Variants in PTPRT observed in about 807,000 individuals in gnomAD.
PTPRT encodes the protein protein tyrosine phosphatase receptor type T, also known as receptor-type tyrosine-protein phosphatase T.
In PTPRT, 56 loss-of-function variants were observed where a neutral mutation model predicts 176.8. That is an observed-to-expected ratio of 0.32 (90% CI 0.26 to 0.40). PTPRT has a LOEUF of 0.40. Among genes scored for constraint, PTPRT ranks in the 10% least tolerant of loss-of-function variants. The probability of loss-of-function intolerance (pLI) is 1.00; values close to 1 mark genes in which losing one functional copy is unlikely to be tolerated. For missense variants in PTPRT, 1,540 were observed against 1,908.2 expected (o/e 0.81, Z 3.60); for synonymous variants, 783 against 739.0 (o/e 1.06, Z -0.96).
intron 7 of PTPRT, among the ~76,000 whole-genome samples, chr20:42,565,705 C>A (rs1277883931): frequency 6.6e-6 from 1 of 152,144 alleles, no homozygotes; most frequent in African/African-American, 2.4e-5. Context: ...TCCTGCAGAT[C>A]AGCCTGTGGG....
chr20:42,899,709 C>T (rs1284455264), intron 1 of PTPRT, among the ~76,000 whole-genome samples: 2 of 152,180 alleles, frequency 1.3e-5, no homozygotes, highest in Non-Finnish European at 2.9e-5. Flanking sequence ...AGTACTTTAA[C>T]TCTTGAGAGC....
In PTPRT at chr20:43,189,679, GC is replaced by G; in HGVS notation, c.54del (p.Pro19HisfsTer29). ...CTCTGAGCCCGGGCGCCGGGCAGTG[GC>G]GGCAGCTGCAGCCTCAGGAGCAGGC... ...ALSLLLRLQL[P>X]PLPGARAQSA... is the part of the protein sequence containing the mutation. On this transcript the variant is annotated frameshift_variant, in exon 1 of 31. Transcript: ENST00000373187. LOFTEE classifies it high-confidence loss of function. The surrounding 1 kb of genome is among the most constrained non-coding windows in gnomAD (Gnocchi z 5.0). 7.6e-7 allele frequency: 1 copy of G among 1,319,878 alleles called. No individual in the cohort carries two copies. The highest frequency in any genetic ancestry group is 2.0e-5 in the South Asian group (1 of 49,746). The allele number at this position is 1,319,878 out of a possible 1,614,324, so 81.8% of individuals were successfully genotyped here. A position where few individuals can be genotyped will look rare whatever the true frequency, so the allele number is the denominator to read the frequency against.
chr20:43,138,484 A>C (rs2013903678), intron 1 of PTPRT, among the ~76,000 whole-genome samples: 1 of 152,192 alleles, frequency 6.6e-6, no homozygotes, highest in East Asian at 1.9e-4. Flanking sequence ...TCACATGATA[A>C]CAGCATTTAC....
chr20:43,104,300 C>A (rs1421157790), intron 1 of PTPRT, among the ~76,000 whole-genome samples: 3 of 151,992 alleles, frequency 2.0e-5, no homozygotes, highest in Non-Finnish European at 4.4e-5. Context: ...CCCATTTCTG[C>A]CCCCAAACTT....
At chr20:42,527,987 A>C (rs6016816) in intron 7 of PTPRT, among the ~76,000 whole-genome samples, 37,613 of 152,128 alleles carry the variant, frequency 0.25, 6,072 homozygotes, top group African/African-American at 0.46. Context: ...CTCTTGTTTA[A>C]AATCCTTCAA....
rs73907428 is a variant in PTPRT, at chr20:42,950,833, A to G, written c.89-64901T>C. Among the ~76,000 whole-genome samples the G allele has an allele frequency of 3.9e-3, 591 of 152,332 alleles. 2 individuals carry two copies. Among genetic ancestry groups the G allele is most frequent in the African/African-American group, 0.014 (563 of 41,584 alleles). On this transcript the variant is annotated intron_variant, in intron 1 of 30. Transcript: ENST00000373187. ...AGTTTGGCTTGTATTTGAATTGCTC[A>G]TGCTGTCTCTGATCATCTACAGAGA...
intron 12 of PTPRT, among the ~76,000 whole-genome samples, chr20:42,298,203 G>A (rs2057415865): frequency 6.6e-6 from 1 of 151,866 alleles, no homozygotes; most frequent in Admixed American, 6.6e-5. Flanking sequence ...GACATAAACA[G>A]GTAATTCAAA....
intron 9 of PTPRT, among the ~76,000 whole-genome samples, chr20:42,392,026 G>A (rs942180314): frequency 1.3e-5 from 2 of 152,112 alleles, no homozygotes; most frequent in Admixed American, 1.3e-4. Context: ...CCACCACACT[G>A]TACTGCTGCA....
intron 7 of PTPRT, among the ~76,000 whole-genome samples, chr20:42,494,509 A>C (rs905081756): frequency 6.6e-6 from 1 of 152,098 alleles, no homozygotes; most frequent in Non-Finnish European, 1.5e-5. Context: ...TGGGTTTGGG[A>C]ATAATGTGTC....
chr20:42,240,946 G>T (rs1434797044), intron 14 of PTPRT, among the ~76,000 whole-genome samples: 1 of 152,120 alleles, frequency 6.6e-6, no homozygotes, highest in Admixed American at 6.5e-5. Flanking sequence ...CATGTGTCAG[G>T]TACTGTTTTA....
intron 7 of PTPRT, among the ~76,000 whole-genome samples, chr20:42,600,993 AAGGC>A (rs2073771458): frequency 6.6e-6 from 1 of 152,080 alleles, no homozygotes; most frequent in African/African-American, 2.4e-5. Context: ...AGTCAATGTC[AAGGC>A]ACTGCATTGA....
chr20:42,817,669 G>A (rs989093660), intron 2 of PTPRT, among the ~76,000 whole-genome samples: 3 of 152,196 alleles, frequency 2.0e-5, no homozygotes, highest in Admixed American at 1.3e-4. Context: ...CTTTAAGAAA[G>A]TCAGTATTTT....
At chr20:42,060,652 C>T in the PTPRT span, among the ~76,000 whole-genome samples, 1 of 152,206 alleles carries the variant, frequency 6.6e-6, no homozygotes, top group Non-Finnish European at 1.5e-5. Flanking sequence ...ATGACTTGTT[C>T]CTCCTTGCCT....
At chr20:42,435,742 TA>T (rs2059256801) in intron 9 of PTPRT, among the ~76,000 whole-genome samples, 1 of 152,170 alleles carries the variant, frequency 6.6e-6, no homozygotes, top group Non-Finnish European at 1.5e-5. Context: ...GCAATTCTAA[TA>T]AAAACAACAG....
intron 7 of PTPRT, among the ~76,000 whole-genome samples, chr20:42,614,855 G>T (rs983455448): frequency 6.6e-6 from 1 of 151,888 alleles, no homozygotes; most frequent in Non-Finnish European, 1.5e-5. Flanking sequence ...CACATCTTAC[G>T]TGGATAGGTG....
chr20:42,248,921 C>T (rs2056503238), intron 13 of PTPRT, 99 bp from the exon 14 acceptor site: 3 of 1,428,608 alleles, frequency 2.1e-6, no homozygotes, highest in Admixed American at 3.7e-5. Context: ...TGAGTGCTAA[C>T]TATGTGCCAG....
chr20:42,552,972 A>T (rs1480650184), intron 7 of PTPRT, among the ~76,000 whole-genome samples: 3 of 152,266 alleles, frequency 2.0e-5, no homozygotes, highest in South Asian at 4.1e-4. Flanking sequence ...CGCCTTGAGT[A>T]GCGGTACAGT....
intron 1 of PTPRT, among the ~76,000 whole-genome samples, chr20:43,082,299 T>TTTTC (rs2011465776): frequency 6.6e-6 from 1 of 151,378 alleles, no homozygotes; most frequent in Non-Finnish European, 1.5e-5. Flanking sequence ...TTACTATGCT[T>TTTTC]TTTTTATTTT....
At chr20:42,592,795 C>A (rs1601334583) in intron 7 of PTPRT, among the ~76,000 whole-genome samples, 1 of 152,164 alleles carries the variant, frequency 6.6e-6, no homozygotes, top group East Asian at 1.9e-4. Flanking sequence ...CTCCACCTAA[C>A]CATGTTATCC....
Sources: allele counts gnomAD v4.1 joint callset (sites outside exome capture counted in the v4.1 genomes callset), GRCh38; gene constraint gnomAD v4.1.1; non-coding constraint Gnocchi (gnomAD v3.1); transcripts MANE v1.5; gene names NCBI Gene and HGNC (gene_info 2026-07-23, HGNC 2026-07-21).